The following PRKD1 variants were observed in gnomAD, a reference collection of about 807,000 sequenced individuals.
The protein encoded by PRKD1 is protein kinase D1, also known as serine/threonine-protein kinase D1.
Under a neutral mutation model 95.9 loss-of-function variants are expected in PRKD1, and 63 were observed. The ratio of observed to expected loss-of-function variants is 0.66; its 90% CI spans 0.54 to 0.81. The LOEUF (loss-of-function observed/expected upper bound fraction) is 0.81. PRKD1 is among the 30% of genes least tolerant of loss of function. The pLI is 0.00. For synonymous variants in PRKD1, 425 were observed against 423.1 expected (o/e 1.00, Z -0.05); for missense variants, 1,048 against 1,165.3 (o/e 0.90, Z 1.47).
At chr14:29,896,395 G>C (rs986143123) in intron 1 of PRKD1, among the ~76,000 whole-genome samples, 1 of 150,046 alleles carries the variant, frequency 6.7e-6, no homozygotes, top group Non-Finnish European at 1.5e-5. Flanking sequence ...CACCCATCAA[G>C]ACTATTAGCT....
chr14:29,729,209 T>A (rs1226827298), intron 1 of PRKD1, among the ~76,000 whole-genome samples: 7 of 152,106 alleles, frequency 4.6e-5, no homozygotes, highest in African/African-American at 1.4e-4. Context: ...GGATTGAGAT[T>A]CATTTTTTGG....
At chr14:29,669,906 A>G (rs1434855123) in intron 2 of PRKD1, among the ~76,000 whole-genome samples, 3 of 152,122 alleles carry the variant, frequency 2.0e-5, no homozygotes, top group East Asian at 1.9e-4. Flanking sequence ...ACAAAAACCA[A>G]TATCTTCTTT....
At chr14:29,645,719 C>G (rs564327857) in intron 4 of PRKD1, among the ~76,000 whole-genome samples, 3 of 152,092 alleles carry the variant, frequency 2.0e-5, no homozygotes, top group African/African-American at 7.2e-5. Context: ...ATCCTAGACA[C>G]GCATAACTGT....
chr14:29,769,439 T>C (rs553204436), intron 1 of PRKD1, among the ~76,000 whole-genome samples: 1 of 152,172 alleles, frequency 6.6e-6, no homozygotes, highest in Non-Finnish European at 1.5e-5. Flanking sequence ...TGTGATAGCA[T>C]ACACATGTAG....
At chr14:29,881,760 C>T (rs1893520994) in intron 1 of PRKD1, among the ~76,000 whole-genome samples, 1 of 151,962 alleles carries the variant, frequency 6.6e-6, no homozygotes, top group African/African-American at 2.4e-5. Flanking sequence ...GATGTGTTTC[C>T]CAAAACTTCT....
rs144041159 is a variant in PRKD1 at position 29,654,941 on chromosome 14, T to C, written c.696+8758A>G. Among the ~76,000 whole-genome samples, 3 of 152,324 alleles carry C rather than the reference T, an allele frequency of 2.0e-5. No homozygotes were observed. The East Asian group carries it at 5.8e-4, about 29-fold the overall frequency. Reference sequence around the variant, plus strand: ...TTTGACAAACTAGACGTAAACAAAGTTCAAGAAAAACAGCTCATGCCGAAA... The same window carrying C: ...TTTGACAAACTAGACGTAAACAAAGCTCAAGAAAAACAGCTCATGCCGAAA... On this transcript the variant is annotated intron_variant, in intron 4 of 17. Transcript: ENST00000331968.
rs991766058 is a variant in PRKD1, at chr14:29,762,687, C to T, written c.265-37013G>A. Reference sequence around the variant, plus strand: ...CTAGATTGCAGACTCCCACTAAGGCCCTTCCTATATAACTCCCTATGCCTG... The same window carrying T: ...CTAGATTGCAGACTCCCACTAAGGCTCTTCCTATATAACTCCCTATGCCTG... On this transcript the variant is annotated intron_variant, in intron 1 of 17. Transcript: ENST00000331968. 1.3e-4 allele frequency among the ~76,000 whole-genome samples: 20 copies of T among 152,134 alleles called. 1 individual carries two copies. Among genetic ancestry groups the T allele is most frequent in the African/African-American group, 4.6e-4 (19 of 41,422 alleles).
chr14:29,597,804 G>C, intron 15 of PRKD1, 46 bp from the exon 16 acceptor site: 1 of 1,549,424 alleles, frequency 6.5e-7, no homozygotes, highest in Non-Finnish European at 8.7e-7. Flanking sequence ...ACAATTGTGT[G>C]TCTGTGTGTC....
intron 1 of PRKD1, among the ~76,000 whole-genome samples, chr14:29,832,605 T>C (rs1891456596): frequency 6.6e-6 from 1 of 152,126 alleles, no homozygotes; most frequent in Admixed American, 6.5e-5. Context: ...CCAAAATGCT[T>C]ATAAATGGAC....
chr14:29,905,851 C>T (rs181499933), intron 1 of PRKD1, among the ~76,000 whole-genome samples: 32 of 152,238 alleles, frequency 2.1e-4, no homozygotes, highest in African/African-American at 7.5e-4. Context: ...CAACAAGGCT[C>T]CAGAAAATCA....
At chr14:29,655,468 T>C (rs1490354132) in intron 4 of PRKD1, among the ~76,000 whole-genome samples, 1 of 152,186 alleles carries the variant, frequency 6.6e-6, no homozygotes, top group Middle Eastern at 3.2e-3. Flanking sequence ...TTAGAATGGA[T>C]ACTAATAATA....
intron 1 of PRKD1, among the ~76,000 whole-genome samples, chr14:29,806,518 G>A (rs1303202140): frequency 6.6e-6 from 1 of 152,104 alleles, no homozygotes; most frequent in African/African-American, 2.4e-5. Flanking sequence ...AACAGCCAGC[G>A]CATCATGCAG....
chr14:29,883,289 A>C (rs1447507084), intron 1 of PRKD1, among the ~76,000 whole-genome samples: 1 of 152,196 alleles, frequency 6.6e-6, no homozygotes, highest in Non-Finnish European at 1.5e-5. Flanking sequence ...ATTTCAATAT[A>C]AGGTTTGGGT....
At chr14:29,595,779 G>C (rs45438403) in intron 16 of PRKD1, among the ~76,000 whole-genome samples, 5,329 of 152,242 alleles carry the variant, frequency 0.035, 341 homozygotes, top group African/African-American at 0.12. Context: ...CTGTGTAACA[G>C]GAAAGTGTTT....
chr14:29,885,480 T>C (rs1893668893), intron 1 of PRKD1, among the ~76,000 whole-genome samples: 2 of 152,132 alleles, frequency 1.3e-5, no homozygotes, highest in Admixed American at 6.5e-5. Flanking sequence ...CCATTTACTC[T>C]GTACTTAAAA....
chr14:29,652,338 C>T, intron 4 of PRKD1, among the ~76,000 whole-genome samples: 1 of 152,034 alleles, frequency 6.6e-6, no homozygotes, highest in East Asian at 1.9e-4. Context: ...TATATGATGC[C>T]ACCCCCTCCC....
chr14:29,890,680 G>A (rs944588295), intron 1 of PRKD1, among the ~76,000 whole-genome samples: 13 of 152,006 alleles, frequency 8.6e-5, no homozygotes, highest in Non-Finnish European at 1.5e-4. Flanking sequence ...TCCAAAGAAA[G>A]ATAATCTTCC....
At chr14:29,590,170 G>A (rs1893080287) in intron 16 of PRKD1, among the ~76,000 whole-genome samples, 1 of 152,146 alleles carries the variant, frequency 6.6e-6, no homozygotes, top group African/African-American at 2.4e-5. Context: ...AGATAAAACT[G>A]GTCTTTATCA....
At chr14:29,636,523 A>G in intron 6 of PRKD1, 29 bp from the exon 7 acceptor site, 1 of 1,611,972 alleles carries the variant, frequency 6.2e-7, no homozygotes, top group Non-Finnish European at 8.5e-7. Flanking sequence ...CCATGAAGAT[A>G]AGCCTGGAAT....
Sources: allele counts gnomAD v4.1 joint callset (sites outside exome capture counted in the v4.1 genomes callset), GRCh38; gene constraint gnomAD v4.1.1; transcripts MANE v1.5; gene names NCBI Gene and HGNC (gene_info 2026-07-23, HGNC 2026-07-21).